TPRG1: variants seen among roughly 807,000 people sequenced by gnomAD.
TPRG1 encodes the protein tumor protein p63-regulated gene 1 protein.
TPRG1 carries 29 observed loss-of-function variants against 29.3 expected under a neutral mutation model. The observed-to-expected ratio is 0.99, with a 90% CI of 0.74 to 1.35. The LOEUF is 1.35. TPRG1 is among the 40% of genes most tolerant of loss of function. The pLI is 0.00. For missense variants in TPRG1, 327 were observed against 335.0 expected (o/e 0.98, Z 0.19); for synonymous variants, 130 against 116.8 (o/e 1.11, Z -0.73).
intron 1 of TPRG1, among the ~76,000 whole-genome samples, chr3:188,999,386 G>A (rs1711929554): frequency 6.6e-6 from 1 of 152,090 alleles, no homozygotes; most frequent in Admixed American, 6.6e-5. Flanking sequence ...TACAATAAGA[G>A]CTACAGAAAA....
intron 4 of TPRG1, among the ~76,000 whole-genome samples, chr3:189,272,673 C>A (rs1391331993): frequency 6.9e-6 from 1 of 144,846 alleles, no homozygotes; most frequent in Non-Finnish European, 1.5e-5. Context: ...TTTCTTCCTT[C>A]CTTTCTTTCC....
chr3:189,155,806 G>A (rs945970063), intron 5 of TPRG1, among the ~76,000 whole-genome samples: 4 of 152,206 alleles, frequency 2.6e-5, no homozygotes, highest in African/African-American at 4.8e-5. Context: ...GAAGCAGAGT[G>A]TAGAATTTGG....
intron 4 of TPRG1, among the ~76,000 whole-genome samples, chr3:189,257,557 G>T (rs546278783): frequency 6.6e-6 from 1 of 152,116 alleles, no homozygotes; most frequent in Non-Finnish European, 1.5e-5. Flanking sequence ...GGCCTGTCTT[G>T]CTAGGTTGGG....
At chr3:189,065,255 C>A (rs1716362610) in intron 4 of TPRG1, among the ~76,000 whole-genome samples, 1 of 151,940 alleles carries the variant, frequency 6.6e-6, no homozygotes, top group Non-Finnish European at 1.5e-5. Context: ...TTTAAAGGAG[C>A]ATTAACACAA....
chr3:189,151,607 G>A (rs774565700), intron 5 of TPRG1, among the ~76,000 whole-genome samples: 13 of 152,122 alleles, frequency 8.5e-5, no homozygotes, highest in Admixed American at 2.6e-4. Flanking sequence ...CTGGCCAGGC[G>A]TGGTGGCTCA....
rs150522478 is a variant in TPRG1 at position 189,314,840 on chromosome 3, T to C, written c.633+4301T>C. 5.7e-4 allele frequency among the ~76,000 whole-genome samples: 87 copies of C among 152,258 alleles called. 1 individual carries two copies. Among genetic ancestry groups the C allele is most frequent in the African/African-American group, 1.9e-3 (80 of 41,562 alleles). ...TTTAAAAATGAGAACACTTGAGCCATGTGTGGTGGTGGCCTATGCCTGTAG... is the reference window on the plus strand; with the variant it reads ...TTTAAAAATGAGAACACTTGAGCCACGTGTGGTGGTGGCCTATGCCTGTAG... On this transcript the variant is annotated intron_variant, in intron 5 of 5. Coordinates refer to ENST00000345063, the MANE Select transcript of TPRG1 (RefSeq NM_198485.4).
At chr3:189,313,742 A>G (rs1172549785) in intron 5 of TPRG1, among the ~76,000 whole-genome samples, 2 of 152,216 alleles carry the variant, frequency 1.3e-5, no homozygotes, top group Non-Finnish European at 2.9e-5. Context: ...GAAATGAGAC[A>G]AGGTTCTTGC....
At chr3:189,268,162 G>T (rs748427927) in intron 4 of TPRG1, among the ~76,000 whole-genome samples, 5 of 152,184 alleles carry the variant, frequency 3.3e-5, no homozygotes, top group Non-Finnish European at 5.9e-5. Flanking sequence ...ATGCTGTGAT[G>T]AACAGGGCAG....
At chr3:189,147,197 A>G (rs1310178390) in intron 3 of TPRG1, among the ~76,000 whole-genome samples, 2 of 152,228 alleles carry the variant, frequency 1.3e-5, no homozygotes, top group Non-Finnish European at 2.9e-5. Flanking sequence ...TCCCATCTCC[A>G]GGGTAGACCC....
chr3:189,167,793 C>A (rs1728337981), upstream of TPRG1, among the ~76,000 whole-genome samples: 1 of 152,106 alleles, frequency 6.6e-6, no homozygotes, highest in African/African-American at 2.4e-5. Context: ...AAAAATGGTG[C>A]AACATTAGCA....
intron 4 of TPRG1, among the ~76,000 whole-genome samples, chr3:189,240,003 GC>G (rs1376807934): frequency 6.6e-6 from 1 of 152,096 alleles, no homozygotes; most frequent in Non-Finnish European, 1.5e-5. Flanking sequence ...TGAATTCCTT[GC>G]GGGCAAATGT....
At chr3:189,156,681 C>G (rs1241295062) in intron 5 of TPRG1, among the ~76,000 whole-genome samples, 1 of 152,156 alleles carries the variant, frequency 6.6e-6, no homozygotes, top group Non-Finnish European at 1.5e-5. Flanking sequence ...ATGAGTATGT[C>G]CACTGTCATC....
At position 189,258,042 on chromosome 3, in the gene TPRG1, G is replaced by A. The variant is rs543667312; in HGVS notation, c.479+19133G>A. ...ATTCTCAGTCCAGTTTTGTTCCCTC[G>A]CTGTTGAGGAGTTGTGATCCTTTGG... On this transcript the variant is annotated intron_variant, in intron 4 of 5. Coordinates refer to ENST00000345063, the MANE Select transcript of TPRG1 (RefSeq NM_198485.4). 8.5e-5 allele frequency among the ~76,000 whole-genome samples: 13 copies of A among 152,250 alleles called. No individual in the cohort carries two copies. In the South Asian group the frequency reaches 1.9e-3, roughly 22 times the overall value.
At chr3:189,075,371 G>C (rs1243232136) in intron 4 of TPRG1, among the ~76,000 whole-genome samples, 1 of 151,918 alleles carries the variant, frequency 6.6e-6, no homozygotes, top group African/African-American at 2.4e-5. Context: ...CTGACCTCAG[G>C]TGATCCACCC....
chr3:189,026,131 T>C (rs1713648655), intron 4 of TPRG1, among the ~76,000 whole-genome samples: 1 of 152,208 alleles, frequency 6.6e-6, no homozygotes, highest in Non-Finnish European at 1.5e-5. Context: ...ACATTTTTTT[T>C]CTCACTATTT....
intron 5 of TPRG1, among the ~76,000 whole-genome samples, chr3:189,163,261 G>C (rs923580476): frequency 1.3e-5 from 2 of 152,176 alleles, no homozygotes; most frequent in Non-Finnish European, 2.9e-5. Flanking sequence ...CGACAAGAGA[G>C]AAACTCCGTC....
intron 3 of TPRG1, among the ~76,000 whole-genome samples, chr3:189,016,380 T>C (rs749998595): frequency 4.6e-5 from 7 of 152,060 alleles, no homozygotes; most frequent in Non-Finnish European, 1.0e-4. Context: ...TATGAGCCTC[T>C]TTTTGATTTT....
chr3:189,101,565 C>T (rs1280909127), intron 1 of TPRG1, among the ~76,000 whole-genome samples: 3 of 152,040 alleles, frequency 2.0e-5, no homozygotes, highest in Admixed American at 2.0e-4. Context: ...TCCTTCTTTC[C>T]TTAAGCCCTA....
intron 1 of TPRG1, among the ~76,000 whole-genome samples, chr3:189,102,026 A>G (rs1311576652): frequency 2.6e-5 from 4 of 152,124 alleles, no homozygotes; most frequent in Non-Finnish European, 5.9e-5. Flanking sequence ...TCTAGAGAGG[A>G]TATTACTACC....
Sources: gnomAD v4.1 joint callset for allele counts (sites outside exome capture counted in the v4.1 genomes callset) on GRCh38, gnomAD v4.1.1 for gene constraint, MANE v1.5 for transcripts, NCBI Gene and HGNC (gene_info 2026-07-23, HGNC 2026-07-21) for gene names.